The following GHR variants were observed in gnomAD, a reference collection of about 807,000 sequenced individuals.
GHR encodes the protein growth hormone receptor.
GHR carries 35 observed loss-of-function variants against 67.1 expected under a neutral mutation model. That is an observed-to-expected ratio of 0.52 (90% CI 0.40 to 0.69). The LOEUF is 0.69. Ranked by LOEUF, GHR falls within the 30% of genes least tolerant of loss-of-function variation. The probability of loss-of-function intolerance (pLI) is 0.00; values close to 1 mark genes in which losing one functional copy is unlikely to be tolerated. For missense variants in GHR, 792 were observed against 764.6 expected, an observed-to-expected ratio of 1.04 and a Z score of -0.42; for synonymous variants, 272 against 269.1, an observed-to-expected ratio of 1.01 and a Z score of -0.10.
intron 3 of GHR, among the ~76,000 whole-genome samples, chr5:42,636,766 C>T (rs1754215106): frequency 6.6e-6 from 1 of 152,132 alleles, no homozygotes; most frequent in African/African-American, 2.4e-5. Flanking sequence ...CAGACATTTA[C>T]AAAAAGATTT....
At chr5:42,669,189 C>T (rs1756148103) in intron 3 of GHR, among the ~76,000 whole-genome samples, 1 of 152,186 alleles carries the variant, frequency 6.6e-6, no homozygotes, top group African/African-American at 2.4e-5. Context: ...TGCACATCAA[C>T]AGGTGTTCAA....
chr5:42,511,071 A>G (rs541422335), intron 1 of GHR, among the ~76,000 whole-genome samples: 1 of 152,306 alleles, frequency 6.6e-6, no homozygotes, highest in African/African-American at 2.4e-5. Context: ...TGTTACAGAA[A>G]CACATGCTGT....
chr5:42,688,845 T>C, intron 3 of GHR, 45 bp from the exon 4 acceptor site: 1 of 1,594,024 alleles, frequency 6.3e-7, no homozygotes, highest in Non-Finnish European at 8.6e-7. Flanking sequence ...GGATCACATA[T>C]GACTCACCTG....
chr5:42,712,161 C>T (rs1419153499), intron 7 of GHR, among the ~76,000 whole-genome samples: 2 of 152,034 alleles, frequency 1.3e-5, no homozygotes, highest in African/African-American at 2.4e-5. Flanking sequence ...GAAACAACCA[C>T]AAGCTACATA....
intron 1 of GHR, among the ~76,000 whole-genome samples, chr5:42,471,348 T>C (rs924079864): frequency 6.6e-6 from 1 of 152,224 alleles, no homozygotes; most frequent in Non-Finnish European, 1.5e-5. Flanking sequence ...ATTTGTCCTT[T>C]GGTTAGTAAC....
chr5:42,446,597 G>T (rs1011028503), intron 1 of GHR, among the ~76,000 whole-genome samples: 2 of 152,188 alleles, frequency 1.3e-5, no homozygotes, highest in African/African-American at 2.4e-5. Context: ...ACACTATAAA[G>T]TATAGAGAGG....
chr5:42,614,745 T>A (rs184415871), intron 2 of GHR, among the ~76,000 whole-genome samples: 1 of 152,024 alleles, frequency 6.6e-6, no homozygotes, highest in East Asian at 1.9e-4. Flanking sequence ...TGGGAGTATT[T>A]ATTGATGTAC....
At chr5:42,691,964 A>G (rs1304118750) in intron 4 of GHR, among the ~76,000 whole-genome samples, 1 of 152,182 alleles carries the variant, frequency 6.6e-6, no homozygotes, top group Non-Finnish European at 1.5e-5. Context: ...TTGCATGTAA[A>G]TGCTGTGTTT....
intron 2 of GHR, among the ~76,000 whole-genome samples, chr5:42,567,882 A>T (rs1750040144): frequency 6.6e-6 from 1 of 152,004 alleles, no homozygotes; most frequent in Admixed American, 6.6e-5. Flanking sequence ...ATAACATGAC[A>T]TGGGTCAGTC....
Position 42,711,379 on chromosome 5 carries a change from G to C in GHR, c.784+7G>C, listed in dbSNP as rs200521899. The C allele has an allele frequency of 5.0e-6, 8 of 1,597,426 alleles. No homozygotes were observed. The African/African-American group carries it at 9.4e-5, about 19-fold the overall frequency. ...CAATTTACATGTGAAGAAGGTAAAA[G>C]AAATAAAAGATTAAAATAGTAGCTA... On this transcript the variant is annotated splice_region_variant and intron_variant, in intron 7 of 9. Coordinates refer to ENST00000230882, the MANE Select transcript of GHR (RefSeq NM_000163.5).
At chr5:42,676,432 T>C (rs1756576069) in intron 3 of GHR, among the ~76,000 whole-genome samples, 1 of 152,228 alleles carries the variant, frequency 6.6e-6, no homozygotes, top group East Asian at 1.9e-4. Context: ...CAAATATAAA[T>C]GTGAATTTCT....
At chr5:42,693,023 C>G (rs1444321785) in intron 4 of GHR, among the ~76,000 whole-genome samples, 2 of 151,922 alleles carry the variant, frequency 1.3e-5, no homozygotes, top group Non-Finnish European at 2.9e-5. Context: ...CATTTCTCTT[C>G]TGACTCTACA....
intron 1 of GHR, chr5:42,549,670 G>C: frequency 1.0e-6 from 1 of 985,368 alleles, no homozygotes; most frequent in Non-Finnish European, 1.2e-6. Flanking sequence ...GAAGAAAGGG[G>C]AGGTTTGTGG....
Position 42,468,222 on chromosome 5 carries a change from G to GGATGCCT in GHR, c.-12+44271_-12+44277dup, listed in dbSNP as rs1166788982. ...TGTTCTCAGAGTGCACTTGTTGGCT[G>GGATGCCT]GATGCCTGATCTGGGAAGTTTTCTT... is the stretch of plus-strand genomic sequence containing the variant. On this transcript the variant is annotated intron_variant, in intron 1 of 9. Coordinates refer to ENST00000230882, the MANE Select transcript of GHR (RefSeq NM_000163.5). 3 of 1,500,984 alleles carry GGATGCCT rather than the reference G, an allele frequency of 2.0e-6. No individual in the cohort carries two copies. In the African/African-American group the frequency reaches 4.1e-5, roughly 21 times the overall value. 93.0% of individuals were successfully genotyped at this position (1,500,984 alleles called of 1,614,324 possible). A position where few individuals can be genotyped will look rare whatever the true frequency, so the allele number is the denominator to read the frequency against.
intron 2 of GHR, among the ~76,000 whole-genome samples, chr5:42,614,063 C>T (rs993903591): frequency 6.6e-6 from 1 of 152,112 alleles, no homozygotes; most frequent in Non-Finnish European, 1.5e-5. Context: ...TTTCACTTCT[C>T]AAACTATAGC....
chr5:42,447,579 G>T (rs1743859236), intron 1 of GHR, among the ~76,000 whole-genome samples: 1 of 151,938 alleles, frequency 6.6e-6, no homozygotes, highest in Non-Finnish European at 1.5e-5. Flanking sequence ...CTGTGCTGCT[G>T]TACAAATGCA....
At chr5:42,524,542 T>G (rs1047124779) in intron 1 of GHR, among the ~76,000 whole-genome samples, 7 of 152,140 alleles carry the variant, frequency 4.6e-5, no homozygotes, top group Admixed American at 3.9e-4. Context: ...AGCATGACAA[T>G]GCAGTAGAAA....
At chr5:42,697,478 G>C (rs375761533) in intron 5 of GHR, among the ~76,000 whole-genome samples, 5 of 152,202 alleles carry the variant, frequency 3.3e-5, no homozygotes, top group East Asian at 1.9e-4. Flanking sequence ...CCCTGAGGCA[G>C]TGGCATTTGA....
Position 42,429,756 on chromosome 5 carries a change from G to A in GHR, c.-12+5801G>A, listed in dbSNP as rs189180937. 3.3e-5 allele frequency among the ~76,000 whole-genome samples: 5 copies of A among 152,192 alleles called. No homozygotes were observed. The East Asian group carries it at 5.8e-4, about 18-fold the overall frequency. On this transcript the variant is annotated intron_variant, in intron 1 of 9. Transcript: ENST00000230882. Reference sequence around the variant, plus strand: ...AAGGAATATCAACCCCAAATATACCGAAAGTAGAATGTTCCAAAGATAAAC... The same window carrying A: ...AAGGAATATCAACCCCAAATATACCAAAAGTAGAATGTTCCAAAGATAAAC...
Sources: gnomAD v4.1 joint callset for allele counts (sites outside exome capture counted in the v4.1 genomes callset) on GRCh38, gnomAD v4.1.1 for gene constraint, MANE v1.5 for transcripts, NCBI Gene and HGNC (gene_info 2026-07-23, HGNC 2026-07-21) for gene names.